The following APBB2 variants were observed in gnomAD, a reference collection of about 807,000 sequenced individuals.
APBB2 encodes the protein Fe65-like 1.
In APBB2, 38 loss-of-function variants were observed where a neutral mutation model predicts 82.5. That is an observed-to-expected ratio of 0.46 (90% confidence interval 0.36 to 0.60). The LOEUF (loss-of-function observed/expected upper bound fraction) is 0.60, where lower values mean the gene tolerates loss of function less well. Ranked by LOEUF, APBB2 falls within the 20% of genes least tolerant of loss-of-function variation. APBB2 has a pLI of 0.00. For synonymous variants in APBB2, 341 were observed against 368.2 expected (o/e 0.93, Z 0.85); for missense variants, 772 against 972.3 (o/e 0.79, Z 2.74).
chr4:40,857,519 G>A (rs2154331999), intron 12 of APBB2, among the ~76,000 whole-genome samples: 1 of 152,244 alleles, frequency 6.6e-6, no homozygotes, highest in East Asian at 1.9e-4. Flanking sequence ...CGCCCAGGCT[G>A]GAGTGCAGTG....
intron 6 of APBB2, among the ~76,000 whole-genome samples, chr4:40,989,138 C>T (rs1202750570): frequency 6.6e-6 from 1 of 152,168 alleles, no homozygotes; most frequent in East Asian, 1.9e-4. Context: ...CCCTCTTCCA[C>T]CTCACTTACT....
chr4:40,952,040 G>C (rs950358364), intron 6 of APBB2, among the ~76,000 whole-genome samples: 3 of 152,010 alleles, frequency 2.0e-5, no homozygotes, highest in African/African-American at 7.2e-5. Context: ...GCAAAAATTA[G>C]CCGGGTGTGG....
chr4:40,960,796 C>G (rs750984254), intron 6 of APBB2, among the ~76,000 whole-genome samples: 30 of 152,080 alleles, frequency 2.0e-4, no homozygotes, highest in Middle Eastern at 3.4e-3. Context: ...CATCAACAGC[C>G]AGTCTTTCCT....
intron 3 of APBB2, among the ~76,000 whole-genome samples, chr4:41,073,925 G>T (rs530587313): frequency 1.3e-5 from 2 of 152,306 alleles, no homozygotes; most frequent in South Asian, 4.1e-4. Context: ...ACCAGCCTGG[G>T]CAATGTAGCA....
At chr4:41,134,249 T>C (rs931157666) in intron 2 of APBB2, among the ~76,000 whole-genome samples, 7 of 152,022 alleles carry the variant, frequency 4.6e-5, no homozygotes, top group Admixed American at 4.6e-4. Flanking sequence ...CTCAAAGGGC[T>C]GGGATTACAG....
In APBB2 at chr4:41,082,571, T is replaced by TTC. The variant is rs1221888898; in HGVS notation, c.-148-16899_-148-16898insGA. 4.2e-3 allele frequency among the ~76,000 whole-genome samples: 495 copies of TTC among 118,586 alleles called. 2 individuals carry two copies. The highest frequency in any genetic ancestry group is 0.013 in the African/African-American group (430 of 32,998). The allele number at this position is 118,586 out of a possible 152,430, so 77.8% of individuals were successfully genotyped here. On this transcript the variant is annotated intron_variant, in intron 3 of 17. Transcript: ENST00000508593. ...GGCTTCTACAAAGTTATGTTTCTTTTTTTTTTTTTTTTTTTTAAGAGTTAG... is the reference window on the plus strand; with the variant it reads ...GGCTTCTACAAAGTTATGTTTCTTTTTCTTTTTTTTTTTTTTTTAAGAGTTAG...
At chr4:41,114,295 T>C (rs1750200319) in intron 2 of APBB2, among the ~76,000 whole-genome samples, 1 of 152,168 alleles carries the variant, frequency 6.6e-6, no homozygotes, top group African/African-American at 2.4e-5. Context: ...AAAAACTTAA[T>C]AAACTAGGTA....
intron 10 of APBB2, among the ~76,000 whole-genome samples, chr4:40,897,029 AC>A (rs1376589182): frequency 6.6e-6 from 1 of 152,132 alleles, no homozygotes; most frequent in Non-Finnish European, 1.5e-5. Context: ...AAATCCTACA[AC>A]CTAGGACTGC....
At chr4:41,102,106 C>G (rs765981253) in intron 2 of APBB2, among the ~76,000 whole-genome samples, 1 of 152,122 alleles carries the variant, frequency 6.6e-6, no homozygotes, top group Non-Finnish European at 1.5e-5. Context: ...CTAAAGTCGG[C>G]ATACCCCTCG....
At chr4:40,897,943 CA>C (rs574099180) in intron 10 of APBB2, among the ~76,000 whole-genome samples, 15 of 151,306 alleles carry the variant, frequency 9.9e-5, no homozygotes, top group East Asian at 1.9e-4. Flanking sequence ...AAAAAGTTAA[CA>C]AAAAAAAATC....
chr4:41,160,824 TA>T (rs1231060710), intron 1 of APBB2, among the ~76,000 whole-genome samples: 4 of 152,140 alleles, frequency 2.6e-5, no homozygotes, highest in South Asian at 4.1e-4. Flanking sequence ...ATCAAACTAA[TA>T]AAGCCAATGA....
At chr4:41,007,471 G>C (rs915695680) in intron 6 of APBB2, among the ~76,000 whole-genome samples, 5 of 152,124 alleles carry the variant, frequency 3.3e-5, no homozygotes, top group Admixed American at 3.3e-4. Context: ...AAGGCAAAGC[G>C]TGAGGTCAAC....
intron 2 of APBB2, among the ~76,000 whole-genome samples, chr4:41,133,042 C>T (rs192400285): frequency 8.1e-4 from 123 of 152,090 alleles, no homozygotes; most frequent in African/African-American, 2.9e-3. Context: ...GGAAAAAATG[C>T]ATACACCAGC....
At chr4:40,986,607 G>C (rs1800474509) in intron 6 of APBB2, among the ~76,000 whole-genome samples, 1 of 152,160 alleles carries the variant, frequency 6.6e-6, no homozygotes, top group South Asian at 2.1e-4. Context: ...TGTTCATACT[G>C]AACTGCCTCC....
At chr4:41,010,168 G>A (rs1398870322) in intron 6 of APBB2, among the ~76,000 whole-genome samples, 1 of 152,164 alleles carries the variant, frequency 6.6e-6, no homozygotes, top group Non-Finnish European at 1.5e-5. Context: ...TGAAGCAGGT[G>A]CAGAGATCCC....
intron 12 of APBB2, among the ~76,000 whole-genome samples, chr4:40,847,710 G>A (rs1342642583): frequency 2.0e-5 from 3 of 152,198 alleles, no homozygotes; most frequent in Non-Finnish European, 4.4e-5. Flanking sequence ...GAATTTTCAA[G>A]GGGCTTTCTT....
chr4:41,138,039 C>T (rs565885803), intron 2 of APBB2: 2 of 152,216 alleles, frequency 1.3e-5, no homozygotes, highest in Non-Finnish European at 1.5e-5. Flanking sequence ...GGGTGGCTGG[C>T]ACCTGTAGTT....
At chr4:41,140,562 G>A (rs921051016) in intron 2 of APBB2, among the ~76,000 whole-genome samples, 1 of 152,166 alleles carries the variant, frequency 6.6e-6, no homozygotes, top group Non-Finnish European at 1.5e-5. Context: ...TCAGTCATGT[G>A]AATACTTATC....
rs1305635400 is a variant in APBB2, at chr4:40,814,886, T to C, written c.*1206A>G. On this transcript the variant is annotated 3_prime_UTR_variant, in exon 18 of 18. Transcript: ENST00000508593. The stretch of plus-strand genomic sequence containing the variant: ...AACATTTCAAATCTTCAAAGTAAAA[T>C]GGAAAAAATATAAATTAAAAAATAT... 2.0e-5 allele frequency: 3 copies of C among 151,948 alleles called. No individual in the cohort carries two copies. The allele number at this position is 151,948 out of a possible 1,614,324, so 9.4% of individuals were successfully genotyped here. A position where few individuals can be genotyped will look rare whatever the true frequency, so the allele number is the denominator to read the frequency against.
Sources: gnomAD v4.1 joint callset for allele counts (sites outside exome capture counted in the v4.1 genomes callset) on GRCh38, gnomAD v4.1.1 for gene constraint, MANE v1.5 for transcripts, NCBI Gene and HGNC (gene_info 2026-07-23, HGNC 2026-07-21) for gene names.